The following RGMA variants were observed in gnomAD, a reference collection of about 807,000 sequenced individuals.
The protein encoded by RGMA is repulsive guidance molecule A.
Under a neutral mutation model 23.2 loss-of-function variants are expected in RGMA, and 10 were observed. The ratio of observed to expected loss-of-function variants is 0.43; its 90% CI spans 0.27 to 0.73. The LOEUF (loss-of-function observed/expected upper bound fraction) is 0.73, where lower values mean the gene tolerates loss of function less well. RGMA is among the 30% of genes least tolerant of loss of function. The pLI is 0.20. For synonymous variants in RGMA, 308 were observed against 279.3 expected, an observed-to-expected ratio of 1.10 and a Z score of -1.03; for missense variants, 547 against 630.5, an observed-to-expected ratio of 0.87 and a Z score of 1.42.
chr15:93,073,247 C>T, intron 1 of RGMA: 1 of 1,061,926 alleles, frequency 9.4e-7, no homozygotes, highest in East Asian at 4.2e-5. Flanking sequence ...CGCGCCCCAG[C>T]CGCCTGCGCA....
chr15:93,059,907 AGAAG>A (rs1596091128), intron 2 of RGMA, among the ~76,000 whole-genome samples: 2 of 152,354 alleles, frequency 1.3e-5, no homozygotes, highest in East Asian at 3.9e-4. Context: ...GTCCATGGAA[AGAAG>A]GAAGGAAAGT....
intron 2 of RGMA, among the ~76,000 whole-genome samples, chr15:93,061,763 G>T (rs936982618): frequency 2.6e-5 from 4 of 152,200 alleles, no homozygotes; most frequent in African/African-American, 9.7e-5. Flanking sequence ...ATGCACCAAT[G>T]AAGCACTAGC....
chr15:93,044,923 C>T lies in RGMA; in HGVS notation c.*75G>A. 4.7e-6 allele frequency: 6 copies of T among 1,271,720 alleles called. No individual in the cohort carries two copies. The highest frequency in any genetic ancestry group is 2.5e-5 in the East Asian group (1 of 39,568). The allele number at this position is 1,271,720 out of a possible 1,614,324, so 78.8% of individuals were successfully genotyped here. On this transcript the variant is annotated 3_prime_UTR_variant, in exon 4 of 4. Coordinates refer to ENST00000329082, the MANE Select transcript of RGMA (RefSeq NM_020211.3). Reference sequence around the variant, plus strand: ...TGGTGGACACGCCAGGAGATCTGCACCCCGTGGGCGGTCCCAGCCCACACA... The same window carrying T: ...TGGTGGACACGCCAGGAGATCTGCATCCCGTGGGCGGTCCCAGCCCACACA...
rs544363405 is a variant in RGMA, at chr15:93,044,785, T to C, written c.*213A>G. Reference sequence around the variant, plus strand: ...AGCTGCTCTCCCTCTCACACAGCTCTACTGTCAAACATCATGGCACCAGTC... The same window carrying C: ...AGCTGCTCTCCCTCTCACACAGCTCCACTGTCAAACATCATGGCACCAGTC... On this transcript the variant is annotated 3_prime_UTR_variant, in exon 4 of 4. Coordinates refer to ENST00000329082, the MANE Select transcript of RGMA (RefSeq NM_020211.3). The C allele has an allele frequency of 7.4e-5, 44 of 594,870 alleles. No individual in the cohort carries two copies. Among genetic ancestry groups the C allele is most frequent in the African/African-American group, 6.5e-4 (35 of 53,800 alleles). The allele number at this position is 594,870 out of a possible 1,614,324, so 36.8% of individuals were successfully genotyped here.
At position 93,074,001 on chromosome 15, in the gene RGMA, C is replaced by T. The variant is rs74630251; in HGVS notation, c.15-970G>A. 4.3e-6 allele frequency: 6 copies of T among 1,390,638 alleles called. No homozygotes were observed. The East Asian group carries it at 1.4e-4, about 32-fold the overall frequency. The allele number at this position is 1,390,638 out of a possible 1,614,324, so 86.1% of individuals were successfully genotyped here. ...GCTTCAGTATGGTGACCTTTCCTAA[C>T]TCTGTCGCTTATTTTTCTGGGAAAG... On this transcript the variant is annotated intron_variant, in intron 1 of 3. Transcript: ENST00000329082.
chr15:93,051,957 C>A, intron 3 of RGMA, 36 bp downstream of exon 3: 1 of 1,544,114 alleles, frequency 6.5e-7, no homozygotes, highest in Non-Finnish European at 8.7e-7. Flanking sequence ...AGACAAAGGG[C>A]AGGGCTGTGC....
At chr15:93,085,221 A>C (rs2141850444) in intron 1 of RGMA, among the ~76,000 whole-genome samples, 1 of 152,288 alleles carries the variant, frequency 6.6e-6, no homozygotes, top group Middle Eastern at 3.4e-3. Flanking sequence ...GTCCATGAAG[A>C]TGAAAAAATG....
chr15:93,065,511 TG>T, intron 2 of RGMA: 2 of 584,756 alleles, frequency 3.4e-6, no homozygotes. Flanking sequence ...AACAGGGTAC[TG>T]GGTAGGGTAC....
intron 3 of RGMA, among the ~76,000 whole-genome samples, chr15:93,048,687 T>C (rs1217027557): frequency 6.6e-6 from 1 of 152,108 alleles, no homozygotes; most frequent in Non-Finnish European, 1.5e-5. Flanking sequence ...TACTCTACCA[T>C]TCCTGACCTA....
At chr15:93,053,891 T>A (rs2054969278) in intron 2 of RGMA, among the ~76,000 whole-genome samples, 5 of 152,220 alleles carry the variant, frequency 3.3e-5, no homozygotes, top group Admixed American at 2.6e-4. Flanking sequence ...GAACACTTTG[T>A]CTTTTAATTT....
chr15:93,045,253 C>A lies in RGMA; in HGVS notation c.1098G>T (p.Glu366Asp). 6.2e-7 allele frequency: 1 copy of A among 1,613,216 alleles called. No individual in the cohort carries two copies. The highest frequency in any genetic ancestry group is 8.5e-7 in the Non-Finnish European group (1 of 1,179,786). ...AGTACAGGTCCTCCACCGGCAGCTTCTCCTTGCACTTGGCCACGGCTGTCT... is the reference window on the plus strand; with the variant it reads ...AGTACAGGTCCTCCACCGGCAGCTTATCCTTGCACTTGGCCACGGCTGTCT... ...PYETAVAKCKEKLPVEDLYYQ... is the reference protein window; with the variant it reads ...PYETAVAKCKDKLPVEDLYYQ... Residue 366 changes from glutamate (E) to aspartate (D), a missense_variant, in exon 4 of 4, where the codon GAG (glutamate) becomes GAT (aspartate). Transcript: ENST00000329082. The surrounding 1 kb of genome is among the most constrained non-coding windows in gnomAD (Gnocchi z 6.9).
rs927845364 is a variant in RGMA at position 93,053,802 on chromosome 15, C to T, written c.131-1295G>A. ...TGAGCACGGGCGAGTCAGTGCTCAT[C>T]TGAAATTTGGGCTCCCCCCTTCACG... On this transcript the variant is annotated intron_variant, in intron 2 of 3. Transcript: ENST00000329082. 6.6e-5 allele frequency among the ~76,000 whole-genome samples: 10 copies of T among 152,326 alleles called. No homozygotes were observed. The East Asian group carries it at 1.9e-3, about 29-fold the overall frequency.
intron 2 of RGMA, chr15:93,065,599 G>T: frequency 1.3e-6 from 1 of 792,160 alleles, no homozygotes; most frequent in Non-Finnish European, 2.2e-6. Context: ...CCAGGATGGT[G>T]GTGGCGGGGT....
intron 1 of RGMA, among the ~76,000 whole-genome samples, chr15:93,088,079 C>T (rs1467787595): frequency 6.6e-6 from 1 of 152,230 alleles, no homozygotes. Flanking sequence ...AAAATAAATA[C>T]AACCCAACAC....
chr15:93,066,362 C>A, intron 2 of RGMA: 1 of 751,500 alleles, frequency 1.3e-6, no homozygotes, highest in Admixed American at 1.7e-5. Context: ...GGAGTGCCAG[C>A]AGCACCAGCT....
chr15:93,081,655 C>G (rs990890461), intron 1 of RGMA, among the ~76,000 whole-genome samples: 1 of 152,244 alleles, frequency 6.6e-6, no homozygotes, highest in African/African-American at 2.4e-5. Flanking sequence ...GTGAGTCTGT[C>G]TCTCTCTCAA....
At position 93,044,877 on chromosome 15, in the gene RGMA, C is replaced by A; in HGVS notation, c.*121G>T. 1.2e-6 allele frequency: 1 copy of A among 817,110 alleles called. No individual in the cohort carries two copies. Among genetic ancestry groups the A allele is most frequent in the Non-Finnish European group, 1.9e-6 (1 of 523,260 alleles). The allele number at this position is 817,110 out of a possible 1,614,324, so 50.6% of individuals were successfully genotyped here. A position where few individuals can be genotyped will look rare whatever the true frequency, so the allele number is the denominator to read the frequency against. On this transcript the variant is annotated 3_prime_UTR_variant, in exon 4 of 4. Transcript: ENST00000329082. ...GCCTGAGCCCTTGGCAGCAGGCGGT[C>A]CCTGGCGTTCTGCGGGGCCATGGTG...
At chr15:93,084,114 T>C (rs1895600173) in intron 1 of RGMA, among the ~76,000 whole-genome samples, 1 of 152,238 alleles carries the variant, frequency 6.6e-6, no homozygotes, top group Non-Finnish European at 1.5e-5. Context: ...ATGAATGAAA[T>C]GGGCATTTTT....
At chr15:93,051,072 A>G (rs541735299) in intron 3 of RGMA, among the ~76,000 whole-genome samples, 1 of 152,274 alleles carries the variant, frequency 6.6e-6, no homozygotes, top group South Asian at 2.1e-4. Flanking sequence ...CCCGCTTGGG[A>G]ATCCACAGGG....
Sources: allele counts gnomAD v4.1 joint callset (sites outside exome capture counted in the v4.1 genomes callset), GRCh38; gene constraint gnomAD v4.1.1; non-coding constraint Gnocchi (gnomAD v3.1); transcripts MANE v1.5; gene names NCBI Gene and HGNC (gene_info 2026-07-23, HGNC 2026-07-21).